Variants in SLC26A5 observed in about 807,000 individuals in gnomAD.
SLC26A5 encodes the protein solute carrier family 26 member 5.
In SLC26A5, 51 loss-of-function variants were observed where a neutral mutation model predicts 81.0. The observed-to-expected ratio is 0.63, with a 90% confidence interval of 0.50 to 0.80. The LOEUF is 0.80. Among genes scored for constraint, SLC26A5 ranks in the 30% least tolerant of loss-of-function variants. SLC26A5 has a pLI of 0.00. For missense variants in SLC26A5, 771 were observed against 905.8 expected (o/e 0.85, Z 1.91); for synonymous variants, 325 against 332.8 (o/e 0.98, Z 0.25).
At chr7:103,393,635 C>T (rs1822855828) in intron 9 of SLC26A5, among the ~76,000 whole-genome samples, 1 of 151,632 alleles carries the variant, frequency 6.6e-6, no homozygotes, top group African/African-American at 2.4e-5. Context: ...GGGAAAGGAG[C>T]AGCAGAAGAC....
In SLC26A5 at chr7:103,411,352, A is replaced by G. The variant is rs932078874; in HGVS notation, c.570+68T>C. The stretch of plus-strand genomic sequence containing the variant: ...ATCCACCGTGTAGTAAGACCAGCCA[A>G]GAGCACTCAGTAGATACTTGTTAGG... On this transcript the variant is annotated intron_variant, in intron 6 of 19. Coordinates refer to ENST00000306312, the MANE Select transcript of SLC26A5 (RefSeq NM_198999.3). The G allele has an allele frequency of 5.7e-6, 9 of 1,588,712 alleles. No homozygotes were observed. The African/African-American group carries it at 1.2e-4, about 21-fold the overall frequency.
At chr7:103,395,100 G>A (rs941553927) in intron 9 of SLC26A5, among the ~76,000 whole-genome samples, 1 of 152,156 alleles carries the variant, frequency 6.6e-6, no homozygotes, top group Non-Finnish European at 1.5e-5. Context: ...AGTGAGACCT[G>A]CCAAAGAACC....
At chr7:103,410,617 A>T (rs1824411355) in intron 6 of SLC26A5, 68 bp from the exon 7 acceptor site, 1 of 1,397,428 alleles carries the variant, frequency 7.2e-7, no homozygotes, top group African/African-American at 1.4e-5. Context: ...GACCCACAGC[A>T]AATATACAAG....
At chr7:103,422,604 A>G (rs1205451198) in intron 2 of SLC26A5, among the ~76,000 whole-genome samples, 1 of 152,216 alleles carries the variant, frequency 6.6e-6, no homozygotes, top group Non-Finnish European at 1.5e-5. Flanking sequence ...CTAAGAAGGG[A>G]TAGTAGAGGG....
At position 103,421,527 on chromosome 7, in the gene SLC26A5, T is replaced by G. The variant is rs142432368; in HGVS notation, c.-13A>C. ...CAGCATGATCCATAGTACTCTGAAA[T>G]TATTCCTTAACAGCCGGAGACAAGC... On this transcript the variant is annotated 5_prime_UTR_variant, in exon 3 of 20. Transcript: ENST00000306312. 4.7e-4 allele frequency: 762 copies of G among 1,613,836 alleles called. 4 individuals are homozygous for G. In the African/African-American group the frequency reaches 8.7e-3, roughly 18 times the overall value.
intron 4 of SLC26A5, among the ~76,000 whole-genome samples, chr7:103,413,368 A>G (rs910206179): frequency 3.3e-5 from 5 of 152,128 alleles, no homozygotes; most frequent in African/African-American, 1.2e-4. Context: ...CAAATTAGAT[A>G]AAAGCAGAAA....
At chr7:103,427,833 C>T (rs970722717) in intron 2 of SLC26A5, among the ~76,000 whole-genome samples, 2 of 150,454 alleles carry the variant, frequency 1.3e-5, no homozygotes, top group Non-Finnish European at 1.5e-5. Flanking sequence ...ACCACAATTT[C>T]CAGGCCTTCT....
chr7:103,382,453 A>G (rs1821878954), intron 14 of SLC26A5, among the ~76,000 whole-genome samples: 2 of 147,938 alleles, frequency 1.4e-5, no homozygotes, highest in African/African-American at 5.0e-5. Flanking sequence ...GGGTTCAAGC[A>G]ATTCTCCTGC....
intron 2 of SLC26A5, among the ~76,000 whole-genome samples, chr7:103,428,404 C>G (rs1562802532): frequency 1.3e-5 from 2 of 152,062 alleles, no homozygotes; most frequent in Non-Finnish European, 1.5e-5. Context: ...TGAGATATGA[C>G]TGACATACAA....
intron 12 of SLC26A5, among the ~76,000 whole-genome samples, chr7:103,390,056 C>T (rs77558591): frequency 0.016 from 2,414 of 152,234 alleles, 59 homozygotes; most frequent in African/African-American, 0.056. Flanking sequence ...TATATGGTTC[C>T]TGATCTCTAC....
chr7:103,369,802 T>C (rs1488714395), downstream of SLC26A5, among the ~76,000 whole-genome samples: 1 of 152,242 alleles, frequency 6.6e-6, no homozygotes, highest in Non-Finnish European at 1.5e-5. Context: ...AAATATACCG[T>C]AGAATCCTGT....
At chr7:103,437,295 G>A (rs7786141) in intron 2 of SLC26A5, among the ~76,000 whole-genome samples, 59,152 of 152,098 alleles carry the variant, frequency 0.39, 15,597 homozygotes, top group African/African-American at 0.74. Flanking sequence ...GTGTTGGTGA[G>A]CATGCAGAGA....
chr7:103,438,421 C>T (rs188532666), intron 2 of SLC26A5, among the ~76,000 whole-genome samples: 4 of 148,698 alleles, frequency 2.7e-5, no homozygotes, highest in South Asian at 2.1e-4. Flanking sequence ...GTCTCGCTCT[C>T]GACTCACTGC....
intron 2 of SLC26A5, among the ~76,000 whole-genome samples, chr7:103,427,851 C>T (rs372643700): frequency 5.6e-5 from 8 of 143,986 alleles, no homozygotes; most frequent in East Asian, 2.0e-4. Context: ...TCTAGAGATT[C>T]TTTTTTTTTT....
chr7:103,380,576 T>C (rs745942966), intron 14 of SLC26A5, 27 bp from the exon 15 acceptor site: 35 of 1,597,870 alleles, frequency 2.2e-5, no homozygotes, highest in South Asian at 3.3e-5. Context: ...TTAAATACCA[T>C]TGTGTTGAGG....
chr7:103,424,342 T>C (rs1478041130), intron 2 of SLC26A5, among the ~76,000 whole-genome samples: 1 of 152,196 alleles, frequency 6.6e-6, no homozygotes, highest in Admixed American at 6.5e-5. Flanking sequence ...TGATCTCCTC[T>C]TCTAGACTGT....
chr7:103,360,019 TGC>T (rs1820286885), intron 19 of SLC26A5, among the ~76,000 whole-genome samples: 1 of 151,492 alleles, frequency 6.6e-6, no homozygotes, highest in African/African-American at 2.4e-5. Context: ...AGGCGGAAGT[TGC>T]AGTGAGTCAA....
At chr7:103,438,973 CA>C (rs1475824922) in intron 2 of SLC26A5, among the ~76,000 whole-genome samples, 4 of 152,176 alleles carry the variant, frequency 2.6e-5, no homozygotes, top group South Asian at 2.1e-4. Context: ...GCAGACCCAA[CA>C]AAACACATAG....
intron 2 of SLC26A5, among the ~76,000 whole-genome samples, chr7:103,429,889 C>A (rs1825943529): frequency 6.6e-6 from 1 of 152,170 alleles, no homozygotes; most frequent in Non-Finnish European, 1.5e-5. Context: ...TCCTTTCCCT[C>A]TTCTTTTATA....
Sources: gnomAD v4.1 joint callset for allele counts (sites outside exome capture counted in the v4.1 genomes callset) on GRCh38, gnomAD v4.1.1 for gene constraint, MANE v1.5 for transcripts, NCBI Gene and HGNC (gene_info 2026-07-23, HGNC 2026-07-21) for gene names.